Variants in ELAVL2 observed in about 807,000 individuals in gnomAD.
The protein encoded by ELAVL2 is ELAV-like protein 2.
In ELAVL2, 4 loss-of-function variants were observed where a neutral mutation model predicts 34.6. The ratio of observed to expected loss-of-function variants is 0.12; its 90% confidence interval spans 0.06 to 0.26. The LOEUF is 0.26. Ranked by LOEUF, ELAVL2 falls within the 10% of genes least tolerant of loss-of-function variation. The pLI, the probability that ELAVL2 is intolerant of heterozygous loss-of-function variation, is 1.00. For missense variants in ELAVL2, 432 were observed against 442.8 expected (o/e 0.98, Z 0.22); for synonymous variants, 193 against 154.8 (o/e 1.25, Z -1.83).
At chr9:23,796,370 C>T (rs1316509019) in intron 1 of ELAVL2, among the ~76,000 whole-genome samples, 1 of 152,196 alleles carries the variant, frequency 6.6e-6, no homozygotes, top group African/African-American at 2.4e-5. Context: ...ATTTGAAGAG[C>T]GATTTGACCC....
chr9:23,793,991 T>C (rs1418007998), intron 1 of ELAVL2, among the ~76,000 whole-genome samples: 1 of 152,206 alleles, frequency 6.6e-6, no homozygotes, highest in Non-Finnish European at 1.5e-5. Context: ...GCCCCATCAA[T>C]GACTCCACCT....
chr9:23,756,144 A>C (rs1403558007), intron 2 of ELAVL2, among the ~76,000 whole-genome samples: 1 of 152,166 alleles, frequency 6.6e-6, no homozygotes, highest in African/African-American at 2.4e-5. Flanking sequence ...TTTTGATAGA[A>C]TAAAGAAGGA....
At chr9:23,793,770 T>A (rs990058740) in intron 1 of ELAVL2, among the ~76,000 whole-genome samples, 13 of 152,184 alleles carry the variant, frequency 8.5e-5, no homozygotes, top group African/African-American at 2.7e-4. Context: ...ATAGCCTCTG[T>A]CCCACTCAGT....
At chr9:23,809,417 A>G (rs2062675573) in intron 1 of ELAVL2, among the ~76,000 whole-genome samples, 1 of 152,186 alleles carries the variant, frequency 6.6e-6, no homozygotes, top group Non-Finnish European at 1.5e-5. Context: ...TTTGGGGGAC[A>G]TAGAATCAGG....
intron 2 of ELAVL2, among the ~76,000 whole-genome samples, chr9:23,756,890 T>C (rs2053685014): frequency 6.6e-6 from 1 of 152,150 alleles, no homozygotes; most frequent in Admixed American, 6.6e-5. Flanking sequence ...TCTGATTCAG[T>C]AGGCCTGGAC....
chr9:23,826,858 T>G (rs2065328952), upstream of ELAVL2, among the ~76,000 whole-genome samples: 1 of 152,228 alleles, frequency 6.6e-6, no homozygotes, highest in South Asian at 2.1e-4. Flanking sequence ...TACTGTATTT[T>G]GTATTAGATG....
chr9:23,756,059 C>G (rs1184210234), intron 2 of ELAVL2, among the ~76,000 whole-genome samples: 1 of 152,202 alleles, frequency 6.6e-6, no homozygotes, highest in East Asian at 1.9e-4. Flanking sequence ...CTGTTTCAAT[C>G]CTGAGGAGCT....
At chr9:23,775,190 A>C (rs1289809006) in intron 1 of ELAVL2, among the ~76,000 whole-genome samples, 1 of 152,214 alleles carries the variant, frequency 6.6e-6, no homozygotes, top group Non-Finnish European at 1.5e-5. Context: ...CAAGGGAAAG[A>C]AACTAGCAAT....
rs575317746 is a variant in ELAVL2, at chr9:23,816,977, A to T, written c.-16+8829T>A. 1.4e-4 allele frequency among the ~76,000 whole-genome samples: 22 copies of T among 152,292 alleles called. No individual in the cohort carries two copies. The East Asian group carries it at 4.2e-3, about 29-fold the overall frequency. Reference sequence around the variant, plus strand: ...TTGGCCAACGGAAAAATATACAGGTACATCAAACTGTAGATAACATACCTG... The same window carrying T: ...TTGGCCAACGGAAAAATATACAGGTTCATCAAACTGTAGATAACATACCTG... On this transcript the variant is annotated intron_variant, in intron 1 of 6. Coordinates refer to ENST00000397312, the MANE Select transcript of ELAVL2 (RefSeq NM_004432.5).
chr9:23,791,976 G>C (rs2137251746), intron 1 of ELAVL2, among the ~76,000 whole-genome samples: 1 of 152,178 alleles, frequency 6.6e-6, no homozygotes, highest in East Asian at 1.9e-4. Context: ...CTGAACCTTA[G>C]GTATGCAAAT....
At chr9:23,819,995 G>A (rs766806217) in intron 1 of ELAVL2, among the ~76,000 whole-genome samples, 1 of 152,008 alleles carries the variant, frequency 6.6e-6, no homozygotes, top group Non-Finnish European at 1.5e-5. Context: ...TAACATTCGG[G>A]TCCACTCAGC....
intron 1 of ELAVL2, among the ~76,000 whole-genome samples, chr9:23,779,806 A>G (rs1480288397): frequency 6.6e-6 from 1 of 151,936 alleles, no homozygotes; most frequent in Non-Finnish European, 1.5e-5. Flanking sequence ...ACCTCTTCTC[A>G]TTAACTAAAA....
At chr9:23,788,705 C>T (rs2137117721) in intron 1 of ELAVL2, among the ~76,000 whole-genome samples, 1 of 152,242 alleles carries the variant, frequency 6.6e-6, no homozygotes, top group East Asian at 1.9e-4. Flanking sequence ...TACTCTTGTG[C>T]TTTGGGGCCG....
At chr9:23,805,256 C>T (rs529530740) in intron 1 of ELAVL2, among the ~76,000 whole-genome samples, 21 of 152,254 alleles carry the variant, frequency 1.4e-4, no homozygotes, top group African/African-American at 5.1e-4. Context: ...ATGGCTATAA[C>T]AAGTAAGGGC....
intron 1 of ELAVL2, among the ~76,000 whole-genome samples, chr9:23,783,985 G>C (rs907910847): frequency 2.6e-5 from 4 of 151,888 alleles, no homozygotes; most frequent in African/African-American, 9.7e-5. Context: ...ACGAGGTCAG[G>C]AGATCGAGAC....
intron 1 of ELAVL2, among the ~76,000 whole-genome samples, chr9:23,820,095 C>G (rs903814391): frequency 9.2e-5 from 14 of 152,120 alleles, no homozygotes; most frequent in Non-Finnish European, 1.5e-5. Flanking sequence ...AATGGAAACT[C>G]CAGGTCAGCT....
intron 2 of ELAVL2, among the ~76,000 whole-genome samples, chr9:23,736,623 C>G (rs1416645917): frequency 6.6e-6 from 1 of 152,132 alleles, no homozygotes; most frequent in African/African-American, 2.4e-5. Context: ...CCAAGTTCTG[C>G]CACACCCGCA....
At chr9:23,739,612 A>G (rs1195543154) in intron 2 of ELAVL2, among the ~76,000 whole-genome samples, 1 of 151,964 alleles carries the variant, frequency 6.6e-6, no homozygotes, top group Non-Finnish European at 1.5e-5. Flanking sequence ...TTAAAAGACA[A>G]TGGAGTTGTT....
intron 1 of ELAVL2, among the ~76,000 whole-genome samples, chr9:23,773,268 C>G (rs1026558214): frequency 3.3e-5 from 5 of 152,164 alleles, no homozygotes; most frequent in Non-Finnish European, 5.9e-5. Flanking sequence ...TAAGGCCCTT[C>G]TTAGCCTCAG....
Sources: gnomAD v4.1 joint callset for allele counts (sites outside exome capture counted in the v4.1 genomes callset) on GRCh38, gnomAD v4.1.1 for gene constraint, MANE v1.5 for transcripts, NCBI Gene and HGNC (gene_info 2026-07-23, HGNC 2026-07-21) for gene names.